Variants in NRXN3 observed in about 807,000 individuals in gnomAD.
NRXN3 encodes the protein neurexin 3, also known as neurexin III.
Under a neutral mutation model 137.6 loss-of-function variants are expected in NRXN3, and 32 were observed. That is an observed-to-expected ratio of 0.23 (90% CI 0.18 to 0.31). NRXN3 has a LOEUF of 0.31. Among genes scored for constraint, NRXN3 ranks in the 10% least tolerant of loss-of-function variants. The pLI is 1.00. For synonymous variants in NRXN3, 798 were observed against 784.5 expected (o/e 1.02, Z -0.29); for missense variants, 1,574 against 2,062.5 (o/e 0.76, Z 4.59).
At chr14:78,944,305 G>T (rs1567780899) in intron 10 of NRXN3, among the ~76,000 whole-genome samples, 2 of 152,160 alleles carry the variant, frequency 1.3e-5, no homozygotes, top group Non-Finnish European at 2.9e-5. Flanking sequence ...TACTTATGTG[G>T]TCATGGGAAA....
At position 78,242,418 on chromosome 14, in the gene NRXN3, A is replaced by C. The variant is rs117437055; in HGVS notation, c.-676A>C. 1.8e-3 allele frequency: 281 copies of C among 152,230 alleles called. 5 individuals are homozygous for C. In the East Asian group the frequency reaches 0.026, roughly 14 times the overall value. The allele number at this position is 152,230 out of a possible 1,614,324, so 9.4% of individuals were successfully genotyped here. ...CTTTTCTCTGGAGTCCTGGGAGGCA[A>C]GTTATGGGCAGCACTGCTTCTGGCC... On this transcript the variant is annotated 5_prime_UTR_variant, in exon 2 of 21. Coordinates refer to ENST00000335750, the MANE Select transcript of NRXN3 (RefSeq NM_001330195.2).
intron 16 of NRXN3, among the ~76,000 whole-genome samples, chr14:79,561,276 G>A (rs535117773): frequency 8.5e-5 from 13 of 152,274 alleles, no homozygotes; most frequent in African/African-American, 3.1e-4. Flanking sequence ...AGGGAAAGAA[G>A]AGATGTCAGA....
chr14:79,751,686 C>T (rs1272580948), intron 19 of NRXN3, among the ~76,000 whole-genome samples: 2 of 149,930 alleles, frequency 1.3e-5, no homozygotes, highest in African/African-American at 2.4e-5. Context: ...TTTGCCCATT[C>T]AGTATGATAT....
At chr14:79,452,102 G>A (rs896670677) in intron 15 of NRXN3, among the ~76,000 whole-genome samples, 3 of 151,724 alleles carry the variant, frequency 2.0e-5, no homozygotes, top group South Asian at 2.1e-4. Context: ...CTTAGTAGAC[G>A]GACAAGTATC....
intron 15 of NRXN3, among the ~76,000 whole-genome samples, chr14:79,147,785 G>A (rs1475243311): frequency 6.6e-6 from 1 of 152,100 alleles, no homozygotes; most frequent in East Asian, 1.9e-4. Context: ...CTTTCCAGAT[G>A]CCACCTTTAC....
intron 10 of NRXN3, among the ~76,000 whole-genome samples, chr14:78,881,728 T>A (rs983606542): frequency 6.6e-6 from 1 of 151,758 alleles, no homozygotes; most frequent in Non-Finnish European, 1.5e-5. Flanking sequence ...AAGCAGAGCA[T>A]AAAAGTTTGG....
At position 78,833,054 on chromosome 14, in the gene NRXN3, G is replaced by A. The variant is rs932588060; in HGVS notation, c.2275+22710G>A. 3.3e-5 allele frequency among the ~76,000 whole-genome samples: 5 copies of A among 152,186 alleles called. No individual in the cohort carries two copies. In the South Asian group the frequency reaches 6.2e-4, roughly 19 times the overall value. On this transcript the variant is annotated intron_variant, in intron 10 of 20. Transcript: ENST00000335750. ...AGGGGTTGGAGATAGACTCCATGAGGCTGAGGCTCCTCTATTCCCCATGCT... is the reference window on the plus strand; with the variant it reads ...AGGGGTTGGAGATAGACTCCATGAGACTGAGGCTCCTCTATTCCCCATGCT...
intron 15 of NRXN3, among the ~76,000 whole-genome samples, chr14:79,118,197 G>T (rs1016599739): frequency 6.7e-6 from 1 of 149,110 alleles, no homozygotes; most frequent in Non-Finnish European, 1.5e-5. Flanking sequence ...ATCAACAAAA[G>T]CATGCCCTTA....
chr14:78,199,470 TA>T (rs749475784), intron 1 of NRXN3, among the ~76,000 whole-genome samples: 31 of 152,354 alleles, frequency 2.0e-4, no homozygotes, highest in Non-Finnish European at 3.5e-4. Flanking sequence ...CACATCTGTA[TA>T]TTTTTTTATT....
At chr14:78,801,714 CCTT>C (rs1385234580) in intron 8 of NRXN3, among the ~76,000 whole-genome samples, 1 of 152,142 alleles carries the variant, frequency 6.6e-6, no homozygotes, top group Non-Finnish European at 1.5e-5. Context: ...TGAGCATCCT[CCTT>C]CTTTCTTTCC....
chr14:78,358,070 C>A (rs575318426), intron 4 of NRXN3, among the ~76,000 whole-genome samples: 5 of 152,258 alleles, frequency 3.3e-5, no homozygotes, highest in African/African-American at 1.2e-4. Context: ...ACATGAGTTC[C>A]AGTCCTGGGC....
At chr14:78,953,446 T>A (rs552936466) in intron 10 of NRXN3, among the ~76,000 whole-genome samples, 1 of 152,334 alleles carries the variant, frequency 6.6e-6, no homozygotes, top group East Asian at 1.9e-4. Context: ...AATTAGGCCA[T>A]CTTCTGTGAA....
At chr14:78,613,750 A>G (rs979373098) in intron 4 of NRXN3, among the ~76,000 whole-genome samples, 2 of 152,138 alleles carry the variant, frequency 1.3e-5, no homozygotes, top group East Asian at 3.9e-4. Context: ...CCGGGACAGA[A>G]GTACCCCAAG....
intron 4 of NRXN3, among the ~76,000 whole-genome samples, chr14:78,595,900 G>A (rs2097154171): frequency 6.6e-6 from 1 of 152,232 alleles, no homozygotes; most frequent in Admixed American, 6.5e-5. Context: ...TAATATCATG[G>A]GTTAAACCAA....
chr14:79,498,400 G>A (rs146106760), intron 16 of NRXN3, among the ~76,000 whole-genome samples: 424 of 152,216 alleles, frequency 2.8e-3, no homozygotes, highest in African/African-American at 7.3e-3. Context: ...TCACCTGAGC[G>A]GGAGACTCAC....
chr14:78,251,831 G>C (rs1055600156), intron 2 of NRXN3, among the ~76,000 whole-genome samples: 3 of 152,178 alleles, frequency 2.0e-5, no homozygotes, highest in African/African-American at 7.2e-5. Context: ...TTTTTTCCCT[G>C]CTGAAGTTGG....
intron 10 of NRXN3, among the ~76,000 whole-genome samples, chr14:78,846,545 C>T (rs1048449400): frequency 1.2e-4 from 19 of 152,166 alleles, no homozygotes; most frequent in African/African-American, 4.3e-4. Context: ...TTGGGTTTTG[C>T]TCATAAACAG....
At chr14:79,401,701 C>T (rs578185381) in intron 15 of NRXN3, among the ~76,000 whole-genome samples, 81 of 152,150 alleles carry the variant, frequency 5.3e-4, no homozygotes, top group Middle Eastern at 3.4e-3. Flanking sequence ...CAGAGATGTG[C>T]GGTGGCTTGT....
intron 1 of NRXN3, among the ~76,000 whole-genome samples, chr14:78,201,726 G>C (rs537280690): frequency 2.0e-5 from 3 of 152,328 alleles, no homozygotes; most frequent in African/African-American, 7.2e-5. Flanking sequence ...TCTCGGGCTG[G>C]AGACAGAAGG....
Sources: gnomAD v4.1 joint callset for allele counts (sites outside exome capture counted in the v4.1 genomes callset) on GRCh38, gnomAD v4.1.1 for gene constraint, MANE v1.5 for transcripts, NCBI Gene and HGNC (gene_info 2026-07-23, HGNC 2026-07-21) for gene names.